The following GAB2 variants were observed in gnomAD, a reference collection of about 807,000 sequenced individuals.
GAB2 encodes GRB2-associated-binding protein 2.
In GAB2, 26 loss-of-function variants were observed where a neutral mutation model predicts 65.5. The ratio of observed to expected loss-of-function variants is 0.40; its 90% CI spans 0.29 to 0.55. The LOEUF (loss-of-function observed/expected upper bound fraction) is 0.55, where lower values mean the gene tolerates loss of function less well. GAB2 is among the 20% of genes least tolerant of loss of function. The pLI is 0.53. For missense variants in GAB2, 884 were observed against 875.8 expected, an observed-to-expected ratio of 1.01 and a Z score of -0.12; for synonymous variants, 321 against 329.6, an observed-to-expected ratio of 0.97 and a Z score of 0.28.
At position 78,225,100 on chromosome 11, in the gene GAB2, A is replaced by G; in HGVS notation, c.1302+8T>C. On this transcript the variant is annotated splice_region_variant and intron_variant, in intron 5 of 9. Transcript: ENST00000361507. ...GGCCTGAGGACCCTTGGGTTAACCC[A>G]CACTCACCAGGAAAGAGCCAACTCC... is the stretch of plus-strand genomic sequence containing the variant. 1.3e-6 allele frequency: 2 copies of G among 1,596,612 alleles called. No individual in the cohort carries two copies. The highest frequency in any genetic ancestry group is 2.2e-5 in the South Asian group (2 of 90,722).
chr11:78,303,293 A>T (rs1867084642), intron 1 of GAB2, among the ~76,000 whole-genome samples: 2 of 152,136 alleles, frequency 1.3e-5, no homozygotes, highest in Non-Finnish European at 2.9e-5. Flanking sequence ...CTTTTCTTAT[A>T]AATGTTTTAT....
At chr11:78,376,959 C>A (rs1856638872) in intron 1 of GAB2, among the ~76,000 whole-genome samples, 1 of 152,084 alleles carries the variant, frequency 6.6e-6, no homozygotes, top group South Asian at 2.1e-4. Flanking sequence ...AAGAGCTGTT[C>A]ATTTAAAAGT....
chr11:78,283,864 C>T (rs369481723), intron 1 of GAB2, among the ~76,000 whole-genome samples: 1 of 152,118 alleles, frequency 6.6e-6, no homozygotes, highest in East Asian at 1.9e-4. Flanking sequence ...TAGAATGCCC[C>T]AATGCTCAGT....
intron 3 of GAB2, among the ~76,000 whole-genome samples, chr11:78,233,555 A>G (rs1864904685): frequency 6.6e-6 from 1 of 152,158 alleles, no homozygotes; most frequent in South Asian, 2.1e-4. Flanking sequence ...ATGGACCACA[A>G]ACAAATCCTT....
chr11:78,223,615 A>T lies in GAB2; in HGVS notation c.1364T>A (p.Met455Lys). Residue 455 changes from methionine (M) to lysine (K), a missense_variant, in exon 6 of 10, where the codon ATG becomes AAG. Transcript: ENST00000361507. ...CAACAGGGTGGAAGAACCTGGATTC[A>T]TGGGCACATAGTTGTCTTCAGAATT... is the stretch of plus-strand genomic sequence containing the variant. Reference protein sequence around the residue: ...STNSEDNYVPMNPGSSTLLAM... With the variant: ...STNSEDNYVPKNPGSSTLLAM... 1 of 1,613,526 alleles carries T rather than the reference A, an allele frequency of 6.2e-7. No homozygotes were observed. The highest frequency in any genetic ancestry group is 8.5e-7 in the Non-Finnish European group (1 of 1,179,638).
intron 3 of GAB2, among the ~76,000 whole-genome samples, chr11:78,245,801 T>G (rs73509398): frequency 0.03 from 4,572 of 152,346 alleles, 208 homozygotes; most frequent in African/African-American, 0.1. Context: ...TGAGGAAATT[T>G]CTTATCAGTT....
At chr11:78,379,832 T>A (rs1256846722) in intron 1 of GAB2, among the ~76,000 whole-genome samples, 1 of 146,362 alleles carries the variant, frequency 6.8e-6, no homozygotes, top group Non-Finnish European at 1.5e-5. Context: ...TTTGCTAAGA[T>A]CTTCTAGTAA....
At chr11:78,263,218 A>G (rs1044507016) in intron 2 of GAB2, among the ~76,000 whole-genome samples, 1 of 152,244 alleles carries the variant, frequency 6.6e-6, no homozygotes, top group Non-Finnish European at 1.5e-5. Context: ...AGAAGAAATG[A>G]CAAGATAAGC....
At chr11:78,346,872 T>C (rs1856199199) in intron 1 of GAB2, among the ~76,000 whole-genome samples, 1 of 151,658 alleles carries the variant, frequency 6.6e-6, no homozygotes, top group Non-Finnish European at 1.5e-5. Context: ...TCTCTCATGA[T>C]TCTGTCATGG....
chr11:78,399,548 C>T (rs1461700600), intron 1 of GAB2, among the ~76,000 whole-genome samples: 1 of 152,210 alleles, frequency 6.6e-6, no homozygotes, highest in Non-Finnish European at 1.5e-5. Flanking sequence ...ATTTCCCTTC[C>T]ATGAGACTGG....
intron 1 of GAB2, among the ~76,000 whole-genome samples, chr11:78,407,734 G>C (rs1430423053): frequency 6.8e-6 from 1 of 147,118 alleles, no homozygotes; most frequent in Non-Finnish European, 1.5e-5. Flanking sequence ...AAGAAAGAAA[G>C]AAAGAAAGAA....
At chr11:78,224,614 C>T (rs998356958) in intron 5 of GAB2, among the ~76,000 whole-genome samples, 1 of 152,192 alleles carries the variant, frequency 6.6e-6, no homozygotes, top group Non-Finnish European at 1.5e-5. Context: ...TTTCAGTGGG[C>T]CTGAAGCCAG....
intron 9 of GAB2, among the ~76,000 whole-genome samples, 164 bp downstream of exon 9, chr11:78,220,155 C>T (rs1259459927): frequency 6.6e-6 from 1 of 151,816 alleles, no homozygotes; most frequent in East Asian, 1.9e-4. Flanking sequence ...GTCTTTAGAC[C>T]TAGATGAAAG....
chr11:78,259,800 G>A (rs993578708), intron 2 of GAB2, among the ~76,000 whole-genome samples: 2 of 152,056 alleles, frequency 1.3e-5, no homozygotes, highest in African/African-American at 2.4e-5. Flanking sequence ...CTTGTCCAAG[G>A]CCACACAGAA....
chr11:78,398,827 G>A (rs896067409), intron 1 of GAB2, among the ~76,000 whole-genome samples: 4 of 152,098 alleles, frequency 2.6e-5, no homozygotes, highest in African/African-American at 9.7e-5. Flanking sequence ...AAATGTACAA[G>A]ATAAACTTGG....
At chr11:78,361,596 C>T (rs1166067326) in intron 1 of GAB2, among the ~76,000 whole-genome samples, 2 of 152,220 alleles carry the variant, frequency 1.3e-5, no homozygotes, top group East Asian at 3.9e-4. Flanking sequence ...TGTTCACAGA[C>T]AAATAACTAT....
intron 1 of GAB2, among the ~76,000 whole-genome samples, chr11:78,338,865 C>T (rs780313822): frequency 2.0e-5 from 3 of 152,110 alleles, no homozygotes; most frequent in African/African-American, 7.2e-5. Context: ...CTAAGGGCAA[C>T]GAGACTGAAT....
chr11:78,267,864 A>AAAAAAAAAAAAAAAAAAAAAAAAAAAAAC (rs1865909550), intron 2 of GAB2, among the ~76,000 whole-genome samples: 1 of 150,116 alleles, frequency 6.7e-6, no homozygotes. Flanking sequence ...TCTCAAAAAA[A>AAAAAAAAAAAAAAAAAAAAAAAAAAAAAC]AAAAAAAAAA....
At chr11:78,384,390 T>C (rs1180585706) in intron 1 of GAB2, among the ~76,000 whole-genome samples, 1 of 152,224 alleles carries the variant, frequency 6.6e-6, no homozygotes, top group South Asian at 2.1e-4. Context: ...ATGAAGCAAC[T>C]GAACCGCTTG....
Sources: allele counts gnomAD v4.1 joint callset (sites outside exome capture counted in the v4.1 genomes callset), GRCh38; gene constraint gnomAD v4.1.1; transcripts MANE v1.5; gene names NCBI Gene and HGNC (gene_info 2026-07-23, HGNC 2026-07-21).